The following FAM3B variants were observed in gnomAD, a reference collection of about 807,000 sequenced individuals.
FAM3B encodes FAM3 metabolism regulating signaling molecule B.
FAM3B carries 29 observed loss-of-function variants against 28.4 expected under a neutral mutation model. The ratio of observed to expected loss-of-function variants is 1.02; its 90% confidence interval spans 0.76 to 1.39. FAM3B has a LOEUF of 1.39. Among genes scored for constraint, FAM3B ranks in the 40% most tolerant of loss-of-function variants. FAM3B has a pLI of 0.00. For missense variants in FAM3B, 266 were observed against 293.9 expected, an observed-to-expected ratio of 0.91 and a Z score of 0.69; for synonymous variants, 91 against 103.0, an observed-to-expected ratio of 0.88 and a Z score of 0.71.
At chr21:41,329,181 C>T (rs535880371) in intron 2 of FAM3B, among the ~76,000 whole-genome samples, 1 of 152,214 alleles carries the variant, frequency 6.6e-6, no homozygotes, top group African/African-American at 2.4e-5. Context: ...TAGTTCCCCC[C>T]ACTTATCTGT....
At chr21:41,304,736 G>A (rs2088673399) in intron 1 of FAM3B, among the ~76,000 whole-genome samples, 1 of 152,176 alleles carries the variant, frequency 6.6e-6, no homozygotes, top group South Asian at 2.1e-4. Context: ...GGAGGGTGAC[G>A]CCTGGGGATG....
chr21:41,345,095 A>G (rs2089043965), intron 4 of FAM3B, among the ~76,000 whole-genome samples: 1 of 152,208 alleles, frequency 6.6e-6, no homozygotes, highest in South Asian at 2.1e-4. Context: ...GTGGAAGTGA[A>G]GATAAAATGC....
intron 7 of FAM3B, among the ~76,000 whole-genome samples, chr21:41,355,061 A>T (rs911915299): frequency 6.6e-6 from 1 of 152,234 alleles, no homozygotes; most frequent in African/African-American, 2.4e-5. Flanking sequence ...CAATAAGCAC[A>T]TGAAAAGAAG....
chr21:41,355,390 A>G (rs895270586), intron 7 of FAM3B, among the ~76,000 whole-genome samples: 3 of 152,258 alleles, frequency 2.0e-5, no homozygotes, highest in African/African-American at 7.2e-5. Flanking sequence ...TAGCAACATT[A>G]TTTATAATAG....
chr21:41,337,941 A>G (rs1417127141), intron 2 of FAM3B, among the ~76,000 whole-genome samples: 1 of 151,464 alleles, frequency 6.6e-6, no homozygotes, highest in African/African-American at 2.4e-5. Flanking sequence ...ATGTTGTGTG[A>G]TGTGTGTGTG....
intron 5 of FAM3B, chr21:41,346,202 T>C (rs2089058341): frequency 6.3e-6 from 1 of 158,118 alleles, no homozygotes; most frequent in Admixed American, 6.5e-5. Flanking sequence ...TGGTCTCTCC[T>C]TTCTAGGCAC....
At chr21:41,327,210 A>G (rs2088861941) in intron 2 of FAM3B, among the ~76,000 whole-genome samples, 1 of 152,272 alleles carries the variant, frequency 6.6e-6, no homozygotes, top group African/African-American at 2.4e-5. Flanking sequence ...ATATGTTTGC[A>G]GTCACAGCCC....
intron 1 of FAM3B, among the ~76,000 whole-genome samples, chr21:41,317,352 C>A (rs2088759533): frequency 6.6e-6 from 1 of 151,846 alleles, no homozygotes; most frequent in Admixed American, 6.6e-5. Flanking sequence ...CTGGCCGCTG[C>A]CAGTTGGTAA....
intron 2 of FAM3B, among the ~76,000 whole-genome samples, chr21:41,338,060 T>C (rs1487278109): frequency 6.6e-6 from 1 of 152,136 alleles, no homozygotes; most frequent in Admixed American, 6.5e-5. Context: ...TTTTATTGTA[T>C]TGCAAATTAC....
rs747293874 is a variant in FAM3B at position 41,316,854 on chromosome 21, G to T, written c.-26G>T. On this transcript the variant is annotated 5_prime_UTR_variant, in exon 1 of 8. Coordinates refer to ENST00000357985, the MANE Select transcript of FAM3B (RefSeq NM_058186.4). Reference sequence around the variant, plus strand: ...CGGTCGCCTGGGAGCTGCCGCCAGGGCCAGGAGGGGAGCGGCACCTGGAAG... The same window carrying T: ...CGGTCGCCTGGGAGCTGCCGCCAGGTCCAGGAGGGGAGCGGCACCTGGAAG... 1.3e-5 allele frequency: 18 copies of T among 1,434,032 alleles called. No homozygotes were observed. Among genetic ancestry groups the T allele is most frequent in the Middle Eastern group, 2.3e-4 (1 of 4,420 alleles). The allele number at this position is 1,434,032 out of a possible 1,614,324, so 88.8% of individuals were successfully genotyped here. A position where few individuals can be genotyped will look rare whatever the true frequency, so the allele number is the denominator to read the frequency against.
chr21:41,329,797 T>G (rs561754105), intron 2 of FAM3B, among the ~76,000 whole-genome samples: 43 of 152,260 alleles, frequency 2.8e-4, no homozygotes, highest in African/African-American at 7.9e-4. Flanking sequence ...CTCGAACTCC[T>G]GACCTCAGGT....
At chr21:41,346,463 T>G (rs2089061166) in intron 5 of FAM3B, 1 of 154,290 alleles carries the variant, frequency 6.5e-6, no homozygotes, top group Non-Finnish European at 1.4e-5. Flanking sequence ...ATAAGTCTCT[T>G]GGCACAGACT....
chr21:41,318,899 G>A (rs1367497996), intron 1 of FAM3B, among the ~76,000 whole-genome samples: 4 of 152,112 alleles, frequency 2.6e-5, no homozygotes. Context: ...CCTTTTAAAT[G>A]TTTATTGTTT....
chr21:41,313,765 A>G (rs1435956041), upstream of FAM3B, among the ~76,000 whole-genome samples: 1 of 151,830 alleles, frequency 6.6e-6, no homozygotes, highest in African/African-American at 2.4e-5. Context: ...CGCATTTGAG[A>G]GTCATCATGT....
chr21:41,333,197 C>T (rs567686699), intron 2 of FAM3B, among the ~76,000 whole-genome samples: 91 of 151,432 alleles, frequency 6.0e-4, no homozygotes, highest in Non-Finnish European at 1.0e-3. Context: ...ATCCATTAGC[C>T]GTTCAGAAGC....
chr21:41,313,520 C>T (rs1243216140), upstream of FAM3B, among the ~76,000 whole-genome samples: 5 of 87,980 alleles, frequency 5.7e-5, no homozygotes, highest in African/African-American at 1.4e-4. Flanking sequence ...GTATGCATGT[C>T]GCATTTGATC....
At chr21:41,322,785 C>T (rs1051555616) in intron 1 of FAM3B, 138 bp from the exon 2 acceptor site, 3 of 1,296,418 alleles carry the variant, frequency 2.3e-6, no homozygotes, top group South Asian at 1.2e-5. Flanking sequence ...CTGGGAGCCT[C>T]CTCCCAGGAG....
At chr21:41,315,970 T>C (rs2088745746), upstream of FAM3B, among the ~76,000 whole-genome samples, 1 of 152,178 alleles carries the variant, frequency 6.6e-6, no homozygotes, top group Non-Finnish European at 1.5e-5. Context: ...TCGCAGACCC[T>C]GCTTCCCTGG....
chr21:41,320,815 C>G (rs1238061826), intron 1 of FAM3B: 1 of 152,220 alleles, frequency 6.6e-6, no homozygotes, highest in Admixed American at 6.6e-5. Flanking sequence ...GAAGAGAGCT[C>G]CCTGCCGCAT....
Sources: allele counts gnomAD v4.1 joint callset (sites outside exome capture counted in the v4.1 genomes callset), GRCh38; gene constraint gnomAD v4.1.1; transcripts MANE v1.5; gene names NCBI Gene and HGNC (gene_info 2026-07-23, HGNC 2026-07-21).